The following SCD5 variants were observed in gnomAD, a reference collection of about 807,000 sequenced individuals.
The protein encoded by SCD5 is stearoyl-CoA desaturase 5, also known as acyl-CoA-desaturase 4.
SCD5 carries 20 observed loss-of-function variants against 30.4 expected under a neutral mutation model. The observed-to-expected ratio is 0.66, with a 90% CI of 0.46 to 0.96. SCD5 has a LOEUF of 0.96. Among genes scored for constraint, SCD5 ranks in the 40% least tolerant of loss-of-function variants. The pLI is 0.00. For missense variants in SCD5, 381 were observed against 443.3 expected (o/e 0.86, Z 1.26); for synonymous variants, 173 against 176.4 (o/e 0.98, Z 0.16).
At chr4:82,664,999 C>CTCTCTCTCTATATATATATA (rs1219554314) in intron 3 of SCD5, among the ~76,000 whole-genome samples, 3 of 70,484 alleles carry the variant, frequency 4.3e-5, no homozygotes, top group South Asian at 7.3e-4. Context: ...CTCTCTCTCT[C>CTCTCTCTCTATATATATATA]TATATATATA....
chr4:82,734,278 A>G (rs556326946), intron 1 of SCD5, among the ~76,000 whole-genome samples: 1 of 152,298 alleles, frequency 6.6e-6, no homozygotes, highest in Non-Finnish European at 1.5e-5. Flanking sequence ...GGCCTCCCTC[A>G]CTTCCAAAGA....
chr4:82,750,640 CAA>C (rs796212996), intron 1 of SCD5, among the ~76,000 whole-genome samples: 21 of 131,916 alleles, frequency 1.6e-4, no homozygotes, highest in Non-Finnish European at 2.0e-4. Flanking sequence ...CTGCTTGTAG[CAA>C]AAAAAAAAAA....
intron 2 of SCD5, among the ~76,000 whole-genome samples, chr4:82,693,432 T>C (rs61132876): frequency 0.13 from 19,431 of 152,194 alleles, 1,773 homozygotes; most frequent in African/African-American, 0.25. Context: ...CCACCTTTTC[T>C]AGTTCAAGAT....
At chr4:82,650,385 C>T (rs768339334) in intron 3 of SCD5, among the ~76,000 whole-genome samples, 15 of 152,144 alleles carry the variant, frequency 9.9e-5, no homozygotes, top group Non-Finnish European at 2.1e-4. Flanking sequence ...GGTCTCAGGA[C>T]CCTTTTACAT....
At chr4:82,755,116 G>A (rs187539661) in intron 1 of SCD5, among the ~76,000 whole-genome samples, 3 of 151,150 alleles carry the variant, frequency 2.0e-5, no homozygotes, top group African/African-American at 4.9e-5. Context: ...ACAAGAAGAT[G>A]GGGGGTGAGG....
At chr4:82,782,854 T>C (rs1166081717) in intron 1 of SCD5, among the ~76,000 whole-genome samples, 1 of 152,186 alleles carries the variant, frequency 6.6e-6, no homozygotes, top group Non-Finnish European at 1.5e-5. Context: ...ATTGCACCTG[T>C]TGTCAACCCT....
intron 1 of SCD5, among the ~76,000 whole-genome samples, chr4:82,737,074 G>A (rs929151929): frequency 2.0e-5 from 3 of 152,034 alleles, no homozygotes; most frequent in Non-Finnish European, 4.4e-5. Flanking sequence ...CAAAGGATAT[G>A]ATGTTCCATG....
intron 1 of SCD5, among the ~76,000 whole-genome samples, chr4:82,779,112 G>T (rs1406185751): frequency 6.6e-6 from 1 of 151,584 alleles, no homozygotes; most frequent in South Asian, 2.1e-4. Flanking sequence ...TGATCCACCC[G>T]CCTCGGCCTC....
chr4:82,713,425 T>C (rs1276985441), intron 1 of SCD5, among the ~76,000 whole-genome samples: 1 of 152,190 alleles, frequency 6.6e-6, no homozygotes, highest in African/African-American at 2.4e-5. Context: ...CAGTTTGTAA[T>C]TCAAACAAAA....
At chr4:82,688,819 C>T (rs552960524) in intron 2 of SCD5, among the ~76,000 whole-genome samples, 1 of 152,344 alleles carries the variant, frequency 6.6e-6, no homozygotes, top group Admixed American at 6.5e-5. Context: ...TTCTATTACT[C>T]TTTTGTTTAA....
At chr4:82,704,116 C>T (rs978628549) in intron 2 of SCD5, among the ~76,000 whole-genome samples, 16 of 152,234 alleles carry the variant, frequency 1.1e-4, no homozygotes, top group South Asian at 8.3e-4. Flanking sequence ...ATCCTATTTA[C>T]CTTATGAAAA....
intron 1 of SCD5, among the ~76,000 whole-genome samples, chr4:82,768,988 C>T (rs1721554580): frequency 6.6e-6 from 1 of 151,338 alleles, no homozygotes; most frequent in African/African-American, 2.4e-5. Flanking sequence ...CACAGAAAAC[C>T]TTATGTTTAA....
chr4:82,794,063 C>T (rs1041507366), intron 1 of SCD5, among the ~76,000 whole-genome samples: 5 of 152,186 alleles, frequency 3.3e-5, no homozygotes, highest in Non-Finnish European at 5.9e-5. Flanking sequence ...CAGTGCCTTC[C>T]AAGCCCCAGC....
At chr4:82,712,254 A>ATGTG (rs1282049165) in intron 1 of SCD5, among the ~76,000 whole-genome samples, 2 of 25,030 alleles carry the variant, frequency 8.0e-5, no homozygotes, top group African/African-American at 5.2e-4. Flanking sequence ...ATATATATAT[A>ATGTG]TATATATATA....
At chr4:82,639,037 A>G (rs1727488393) in intron 3 of SCD5, among the ~76,000 whole-genome samples, 1 of 152,242 alleles carries the variant, frequency 6.6e-6, no homozygotes, top group Non-Finnish European at 1.5e-5. Context: ...CACTTCAGAA[A>G]CCACCATGCT....
intron 2 of SCD5, among the ~76,000 whole-genome samples, chr4:82,685,648 C>T (rs1728686734): frequency 1.0e-4 from 2 of 19,516 alleles, no homozygotes; most frequent in Admixed American, 1.4e-3. Flanking sequence ...GGAAGGCAGA[C>T]ATTGCAGTGA....
At chr4:82,645,501 A>T (rs1383320075) in intron 3 of SCD5, among the ~76,000 whole-genome samples, 1 of 152,228 alleles carries the variant, frequency 6.6e-6, no homozygotes, top group Non-Finnish European at 1.5e-5. Flanking sequence ...GCAGCATTCT[A>T]TAGCTTGAAG....
intron 1 of SCD5, among the ~76,000 whole-genome samples, chr4:82,759,247 C>T (rs979316966): frequency 1.3e-5 from 2 of 152,186 alleles, no homozygotes; most frequent in Non-Finnish European, 2.9e-5. Context: ...TGGCAGCTGG[C>T]GGGATGCAGG....
At chr4:82,693,996 G>C (rs1327623427) in intron 2 of SCD5, among the ~76,000 whole-genome samples, 1 of 152,202 alleles carries the variant, frequency 6.6e-6, no homozygotes. Flanking sequence ...CCCTATGCAG[G>C]GTCTGGCTGC....
Sources: allele counts gnomAD v4.1 joint callset (sites outside exome capture counted in the v4.1 genomes callset), GRCh38; gene constraint gnomAD v4.1.1; transcripts MANE v1.5; gene names NCBI Gene and HGNC (gene_info 2026-07-23, HGNC 2026-07-21).